Variants in LFNG observed in about 807,000 individuals in gnomAD.
LFNG encodes beta-1,3-N-acetylglucosaminyltransferase lunatic fringe.
LFNG carries 15 observed loss-of-function variants against 32.7 expected under a neutral mutation model. The ratio of observed to expected loss-of-function variants is 0.46; its 90% confidence interval spans 0.31 to 0.71. The LOEUF is 0.71. Ranked by LOEUF, LFNG falls within the 30% of genes least tolerant of loss-of-function variation. LFNG has a pLI of 0.06. For missense variants in LFNG, 520 were observed against 545.7 expected (o/e 0.95, Z 0.47); for synonymous variants, 274 against 246.8 (o/e 1.11, Z -1.03).
rs986368088 is a variant in LFNG at position 2,526,299 on chromosome 7, A to G, written c.877A>G (p.Ile293Val). 21 of 1,612,700 alleles carry G rather than the reference A, an allele frequency of 1.3e-5. No individual in the cohort carries two copies. The highest frequency in any genetic ancestry group is 1.6e-5 in the Non-Finnish European group (19 of 1,179,944). ...ERIRLPDDCT[I>V]GYIVEALLGV... ...GATCCGGCTGCCTGATGACTGCACCATCGGCTACATCGTGGAGGCCCTGCT... is the reference window on the plus strand; with the variant it reads ...GATCCGGCTGCCTGATGACTGCACCGTCGGCTACATCGTGGAGGCCCTGCT... Residue 293 changes from isoleucine (I) to valine (V), a missense_variant, in exon 6 of 8, where the codon ATC (isoleucine) becomes GTC (valine). Transcript: ENST00000222725. This position sits in a 1 kb window ranked among gnomAD's most constrained non-coding sequence, Gnocchi z 6.9.
In LFNG at chr7:2,527,403, A is replaced by C. The variant is rs1583279080; in HGVS notation, c.*191A>C. 4.1e-6 allele frequency: 6 copies of C among 1,469,480 alleles called. No homozygotes were observed. The East Asian group carries it at 1.5e-4, about 37-fold the overall frequency. The allele number at this position is 1,469,480 out of a possible 1,614,324, so 91.0% of individuals were successfully genotyped here. A position where few individuals can be genotyped will look rare whatever the true frequency, so the allele number is the denominator to read the frequency against. ...GCTGCTGGGCAGTTCTGCTCTGTGGAGGGGCGGGCACCAGCGCCACTTATG... is the reference window on the plus strand; with the variant it reads ...GCTGCTGGGCAGTTCTGCTCTGTGGCGGGGCGGGCACCAGCGCCACTTATG... On this transcript the variant is annotated 3_prime_UTR_variant, in exon 8 of 8. Transcript: ENST00000222725. The surrounding 1 kb of genome is among the most constrained non-coding windows in gnomAD (Gnocchi z 4.4).
upstream of LFNG, among the ~76,000 whole-genome samples, chr7:2,515,777 G>C (rs912417638): frequency 7.2e-5 from 11 of 152,242 alleles, no homozygotes; most frequent in African/African-American, 2.7e-4. Context: ...AGTGGGCGAG[G>C]GGTCTGGGCA....
At chr7:2,513,731 G>A (rs1326612398), upstream of LFNG, among the ~76,000 whole-genome samples, 2 of 152,244 alleles carry the variant, frequency 1.3e-5, no homozygotes, top group South Asian at 2.1e-4. Context: ...GCCGGCTGGG[G>A]CAGGGTGGCT....
Position 2,525,672 on chromosome 7 carries a change from T to C in LFNG, c.736-13T>C. Reference sequence around the variant, plus strand: ...AGCGCCTGGGTCTCAGGACACCTTCTCCCTTCTCCCAGCGTCCTGTCCACT... The same window carrying C: ...AGCGCCTGGGTCTCAGGACACCTTCCCCCTTCTCCCAGCGTCCTGTCCACT... On this transcript the variant is annotated splice_polypyrimidine_tract_variant and intron_variant, in intron 4 of 7. Transcript: ENST00000222725. 1 of 1,613,042 alleles carries C rather than the reference T, an allele frequency of 6.2e-7. No homozygotes were observed.
At chr7:2,522,655 G>A (rs1356420303) in intron 1 of LFNG, among the ~76,000 whole-genome samples, 3 of 151,546 alleles carry the variant, frequency 2.0e-5, no homozygotes, top group South Asian at 2.1e-4. Context: ...TGGCACTGGG[G>A]GGTCTGGGTC....
chr7:2,525,092 A>T, intron 2 of LFNG, 127 bp from the exon 3 acceptor site: 1 of 852,720 alleles, frequency 1.2e-6, no homozygotes, highest in Non-Finnish European at 1.9e-6. Flanking sequence ...GGGGGAGGCT[A>T]CGGCCGCCGG....
At chr7:2,524,887 G>T (rs903128764) in intron 2 of LFNG, 144 bp downstream of exon 2, 7 of 768,086 alleles carry the variant, frequency 9.1e-6, no homozygotes, top group Non-Finnish European at 1.3e-5. Flanking sequence ...TTTGCTCCAT[G>T]CCCCGCCCCA....
At chr7:2,529,134 G>A (rs540876101), downstream of LFNG, 3 of 364,114 alleles carry the variant, frequency 8.2e-6, no homozygotes, top group South Asian at 3.7e-4. This position sits in a 1 kb window ranked among gnomAD's most constrained non-coding sequence, Gnocchi z 4.2. Context: ...CCAGACGCTT[G>A]TTTTTTAAAT....
At chr7:2,522,939 C>T (rs1779834046) in intron 1 of LFNG, among the ~76,000 whole-genome samples, 1 of 152,228 alleles carries the variant, frequency 6.6e-6, no homozygotes, top group Non-Finnish European at 1.5e-5. Flanking sequence ...GCGCCTTTTT[C>T]CTCCCCTCCT....
upstream of LFNG, among the ~76,000 whole-genome samples, chr7:2,519,468 G>A (rs1451673752): frequency 6.6e-6 from 1 of 152,066 alleles, no homozygotes. Flanking sequence ...ATCCCCGGAC[G>A]GCGCTGGCCA....
rs752288598 is a variant in LFNG, at chr7:2,520,325, A to G, written c.432+32A>G. ...CCCCCGCGGCCTGGACTGGCGGGCG[A>G]GCGGGGCGGGGACCCACCATCTGGT... is the stretch of plus-strand genomic sequence containing the variant. On this transcript the variant is annotated intron_variant, in intron 1 of 7. Coordinates refer to ENST00000222725, the MANE Select transcript of LFNG (RefSeq NM_001040167.2). This position sits in a 1 kb window ranked among gnomAD's most constrained non-coding sequence, Gnocchi z 5.0. The G allele has an allele frequency of 2.5e-6, 4 of 1,589,686 alleles. 1 individual carries two copies. In the South Asian group the frequency reaches 4.4e-5, roughly 18 times the overall value.
intron 1 of LFNG, 28 bp from the exon 2 acceptor site, chr7:2,524,667 C>G (rs1236602607): frequency 4.5e-6 from 7 of 1,568,372 alleles, no homozygotes; most frequent in Non-Finnish European, 6.1e-6. Context: ...GAAGGGCTGC[C>G]TGCTGAAGGC....
chr7:2,513,082 C>A, upstream of LFNG: 2 of 1,466,994 alleles, frequency 1.4e-6, no homozygotes, highest in Non-Finnish European at 1.9e-6. Context: ...TCTCCCTCGT[C>A]TGGGCCCTGG....
chr7:2,528,326 CAT>C lies in LFNG; in HGVS notation c.*1116_*1117del, dbSNP rs774825225. On this transcript the variant is annotated 3_prime_UTR_variant, in exon 8 of 8. Coordinates refer to ENST00000222725, the MANE Select transcript of LFNG (RefSeq NM_001040167.2). ...CTTGTTGTTTTTCTCTTTGCAAAGA[CAT>C]AGCTAGGAAAGCGAATGATAAGGGA... is the stretch of plus-strand genomic sequence containing the variant. The C allele has an allele frequency of 8.1e-6, 8 of 986,174 alleles. No individual in the cohort carries two copies. Among genetic ancestry groups the C allele is most frequent in the Non-Finnish European group, 8.4e-6 (7 of 830,026 alleles). The allele number at this position is 986,174 out of a possible 1,614,324, so 61.1% of individuals were successfully genotyped here. A position where few individuals can be genotyped will look rare whatever the true frequency, so the allele number is the denominator to read the frequency against.
chr7:2,524,296 G>A (rs1779877048), intron 1 of LFNG, among the ~76,000 whole-genome samples: 1 of 152,194 alleles, frequency 6.6e-6, no homozygotes, highest in African/African-American at 2.4e-5. Context: ...CAGCCTCCAA[G>A]TGGCAGGCTG....
chr7:2,520,285 A>G lies in LFNG; in HGVS notation c.424A>G (p.Lys142Glu). The G allele has an allele frequency of 6.2e-7, 1 of 1,608,754 alleles. No homozygotes were observed. Among genetic ancestry groups the G allele is most frequent in the Non-Finnish European group, 8.5e-7 (1 of 1,178,084 alleles). ...GCTGGAGACCTGGATCTCGCGCCACAAGGAGATGGTGAGCCCCCCGCGGCC... is the reference window on the plus strand; with the variant it reads ...GCTGGAGACCTGGATCTCGCGCCACGAGGAGATGGTGAGCCCCCCGCGGCC... ...LLLETWISRH[K>E]EMTFIFTDGE... The change falls in exon 1 of 8, where the codon AAG becomes GAG. Residue 142 changes from lysine to glutamate, a missense_variant. Physicochemically the swap from Lys to Glu is moderately conservative, Grantham distance 56. Transcript: ENST00000222725. This position sits in a 1 kb window ranked among gnomAD's most constrained non-coding sequence, Gnocchi z 5.0.
At chr7:2,524,442 AG>A (rs1779885363) in intron 1 of LFNG, among the ~76,000 whole-genome samples, 1 of 152,160 alleles carries the variant, frequency 6.6e-6, no homozygotes, top group South Asian at 2.1e-4. Context: ...GCAGCTGTCG[AG>A]GTTGGGGAGT....
chr7:2,529,154 C>T, downstream of LFNG: 1 of 322,786 alleles, frequency 3.1e-6, no homozygotes, highest in Non-Finnish European at 5.6e-6. This position sits in a 1 kb window ranked among gnomAD's most constrained non-coding sequence, Gnocchi z 4.2. Flanking sequence ...TACAGCAGCT[C>T]TGCGGTGCTT....
At chr7:2,515,791 C>T (rs1006989295), upstream of LFNG, among the ~76,000 whole-genome samples, 1 of 152,234 alleles carries the variant, frequency 6.6e-6, no homozygotes, top group Non-Finnish European at 1.5e-5. Context: ...CTGGGCATAG[C>T]AGGCAGGCAG....
Sources: allele counts gnomAD v4.1 joint callset (sites outside exome capture counted in the v4.1 genomes callset), GRCh38; gene constraint gnomAD v4.1.1; non-coding constraint Gnocchi (gnomAD v3.1); transcripts MANE v1.5; gene names NCBI Gene and HGNC (gene_info 2026-07-23, HGNC 2026-07-21).